Variants in KCNT2 observed in about 807,000 individuals in gnomAD.
The protein encoded by KCNT2 is potassium sodium-activated channel subfamily T member 2.
A neutral mutation model predicts 153.8 loss-of-function variants in KCNT2; 67 were observed. That is an observed-to-expected ratio of 0.44 (90% CI 0.36 to 0.53). The LOEUF is 0.53. Among genes scored for constraint, KCNT2 ranks in the 20% least tolerant of loss-of-function variants. KCNT2 has a pLI of 0.00. For synonymous variants in KCNT2, 500 were observed against 458.8 expected (o/e 1.09, Z -1.15); for missense variants, 975 against 1,354.8 (o/e 0.72, Z 4.40).
chr1:196,335,716 G>A (rs113878932), intron 16 of KCNT2, among the ~76,000 whole-genome samples: 7,535 of 152,030 alleles, frequency 0.05, 283 homozygotes, highest in Non-Finnish European at 0.071. Context: ...CACTTCCATA[G>A]TGATTTTTTA....
intron 11 of KCNT2, among the ~76,000 whole-genome samples, chr1:196,424,932 C>T (rs1287377598): frequency 6.6e-6 from 1 of 151,286 alleles, no homozygotes; most frequent in South Asian, 2.1e-4. Context: ...CAAATACACA[C>T]CCGCTCATGC....
intron 5 of KCNT2, among the ~76,000 whole-genome samples, chr1:196,473,461 A>G (rs1293701818): frequency 6.6e-6 from 1 of 152,198 alleles, no homozygotes; most frequent in African/African-American, 2.4e-5. Context: ...CTGTTGGTAC[A>G]TTACGTCAAC....
chr1:196,286,617 TCACACACACACACACACACATACA>T, intron 22 of KCNT2, among the ~76,000 whole-genome samples: 1 of 143,288 alleles, frequency 7.0e-6, no homozygotes, highest in African/African-American at 2.8e-5. Flanking sequence ...CTTCTGTATA[TCACACACACACACACACACATACA>T]CACACACACA....
At chr1:196,361,005 T>C (rs1667571465) in intron 14 of KCNT2, among the ~76,000 whole-genome samples, 3 of 151,994 alleles carry the variant, frequency 2.0e-5, no homozygotes, top group Admixed American at 2.0e-4. Context: ...AAGGGAATGA[T>C]ATGGGATAGA....
chr1:196,508,415 T>G lies in KCNT2; in HGVS notation c.96-16074A>C, dbSNP rs16840023. ...GTATAAAATTTCTGCCCTAGGAAGA[T>G]AAGAGTATAAACCAAGAAATAACTT... On this transcript the variant is annotated intron_variant, in intron 1 of 27. Coordinates refer to ENST00000294725, the MANE Select transcript of KCNT2 (RefSeq NM_198503.5). Among the ~76,000 whole-genome samples the G allele has an allele frequency of 4.2e-3, 644 of 152,088 alleles. 4 individuals are homozygous for G. The highest frequency in any genetic ancestry group is 0.014 in the African/African-American group (592 of 41,532).
chr1:196,527,603 C>T (rs1654404474), intron 1 of KCNT2, among the ~76,000 whole-genome samples: 1 of 152,016 alleles, frequency 6.6e-6, no homozygotes, highest in African/African-American at 2.4e-5. Context: ...AATAGGAAAC[C>T]ATTATTCTGC....
At chr1:196,436,260 A>C (rs1315033941) in intron 8 of KCNT2, among the ~76,000 whole-genome samples, 2 of 151,662 alleles carry the variant, frequency 1.3e-5, no homozygotes, top group Admixed American at 6.6e-5. Context: ...ATAAATATAA[A>C]GACTTATTTT....
chr1:196,441,767 A>C (rs1429675925), intron 8 of KCNT2, among the ~76,000 whole-genome samples: 2 of 151,820 alleles, frequency 1.3e-5, no homozygotes, highest in East Asian at 3.9e-4. Flanking sequence ...TGTTATTAGT[A>C]GGAAAGATGG....
chr1:196,567,734 C>A (rs1660280990), intron 1 of KCNT2, among the ~76,000 whole-genome samples: 1 of 152,064 alleles, frequency 6.6e-6, no homozygotes. Context: ...TGGTGAAGGA[C>A]GGCTGAGGAG....
intron 12 of KCNT2, among the ~76,000 whole-genome samples, chr1:196,415,493 A>G (rs1401608495): frequency 1.3e-5 from 2 of 151,410 alleles, no homozygotes; most frequent in African/African-American, 4.8e-5. Flanking sequence ...TATTTGAATC[A>G]TTGTACTCAC....
At chr1:196,504,756 G>C (rs1680991376) in intron 1 of KCNT2, among the ~76,000 whole-genome samples, 1 of 152,128 alleles carries the variant, frequency 6.6e-6, no homozygotes, top group Admixed American at 6.6e-5. Flanking sequence ...GTTGTTTCTT[G>C]ACTTTTTAAC....
chr1:196,578,989 A>C (rs934033081), intron 1 of KCNT2, among the ~76,000 whole-genome samples: 11 of 152,122 alleles, frequency 7.2e-5, no homozygotes, highest in African/African-American at 2.4e-4. Context: ...ACACAAGTGT[A>C]GTTTCCCTCA....
intron 12 of KCNT2, among the ~76,000 whole-genome samples, chr1:196,418,523 A>T (rs1398031933): frequency 1.3e-5 from 2 of 151,972 alleles, no homozygotes; most frequent in Non-Finnish European, 2.9e-5. Context: ...TAAACAGAAG[A>T]CATTTATTTT....
At chr1:196,268,546 T>A (rs528193497) in intron 25 of KCNT2, among the ~76,000 whole-genome samples, 1 of 152,248 alleles carries the variant, frequency 6.6e-6, no homozygotes, top group Non-Finnish European at 1.5e-5. Context: ...CCATCCAACA[T>A]CACGAGTGAA....
At chr1:196,540,805 G>A (rs1350565362) in intron 1 of KCNT2, among the ~76,000 whole-genome samples, 2 of 152,068 alleles carry the variant, frequency 1.3e-5, no homozygotes, top group Non-Finnish European at 2.9e-5. Flanking sequence ...TGTGGCTCAC[G>A]CCTGTAATCC....
chr1:196,375,486 A>C (rs1322438109), intron 13 of KCNT2, among the ~76,000 whole-genome samples: 1 of 151,820 alleles, frequency 6.6e-6, no homozygotes, highest in Non-Finnish European at 1.5e-5. Flanking sequence ...GTCATTAATA[A>C]AAATTAATAT....
At chr1:196,413,586 T>A (rs1348337435) in intron 12 of KCNT2, among the ~76,000 whole-genome samples, 1 of 151,654 alleles carries the variant, frequency 6.6e-6, no homozygotes, top group East Asian at 1.9e-4. Context: ...CTGGGCATCT[T>A]CTTTAAAAAG....
At chr1:196,425,816 A>C in intron 11 of KCNT2, 36 bp downstream of exon 11, 1 of 1,606,430 alleles carries the variant, frequency 6.2e-7, no homozygotes, top group Non-Finnish European at 8.5e-7. Context: ...GTCACTCAAA[A>C]CTGTAAGCTG....
chr1:196,230,278 C>G (rs1282395751), intron 27 of KCNT2, among the ~76,000 whole-genome samples: 1 of 152,034 alleles, frequency 6.6e-6, no homozygotes, highest in Non-Finnish European at 1.5e-5. Flanking sequence ...TCTGCTAAAT[C>G]TGCTCTGCCT....
Sources: allele counts gnomAD v4.1 joint callset (sites outside exome capture counted in the v4.1 genomes callset), GRCh38; gene constraint gnomAD v4.1.1; transcripts MANE v1.5; gene names NCBI Gene and HGNC (gene_info 2026-07-23, HGNC 2026-07-21).